Variants in CCL25 observed in about 807,000 individuals in gnomAD.
CCL25 encodes C-C motif chemokine ligand 25, also known as C-C motif chemokine 25.
Under a neutral mutation model 19.9 loss-of-function variants are expected in CCL25, and 14 were observed. The ratio of observed to expected loss-of-function variants is 0.70; its 90% CI spans 0.47 to 1.10. The LOEUF (loss-of-function observed/expected upper bound fraction) is 1.10, where lower values mean the gene tolerates loss of function less well. CCL25 is among the 50% of genes least tolerant of loss of function. The pLI is 0.00. For synonymous variants in CCL25, 68 were observed against 73.2 expected (o/e 0.93, Z 0.36); for missense variants, 151 against 181.2 (o/e 0.83, Z 0.96).
chr19:8,061,470 A>T lies in CCL25; in HGVS notation c.446-748A>T, dbSNP rs182909846. On this transcript the variant is annotated intron_variant, in intron 5 of 5. Transcript: ENST00000315626. ...AACCAGGGAATTTTTTAGAAGCTTCATCACATAGGAGTGAAGGATGATTAA... is the reference window on the plus strand; with the variant it reads ...AACCAGGGAATTTTTTAGAAGCTTCTTCACATAGGAGTGAAGGATGATTAA... Among the ~76,000 whole-genome samples, 202 of 152,278 alleles carry T rather than the reference A, an allele frequency of 1.3e-3. 2 individuals carry two copies. The highest frequency in any genetic ancestry group is 2.2e-3 in the Non-Finnish European group (151 of 68,022).
chr19:8,059,208 TA>T (rs1033464643), intron 5 of CCL25, among the ~76,000 whole-genome samples: 36 of 133,726 alleles, frequency 2.7e-4, no homozygotes, highest in Admixed American at 2.1e-3. Flanking sequence ...ATATAATTAA[TA>T]TTTTTTTATG....
chr19:8,053,984 G>A (rs867516653), intron 2 of CCL25, among the ~76,000 whole-genome samples: 3 of 152,184 alleles, frequency 2.0e-5, no homozygotes, highest in African/African-American at 7.2e-5. Flanking sequence ...GGCGGCAATA[G>A]TAACTGTTCC....
chr19:8,055,092 C>A (rs1324483726), intron 2 of CCL25, among the ~76,000 whole-genome samples: 1 of 150,968 alleles, frequency 6.6e-6, no homozygotes, highest in African/African-American at 2.4e-5. Context: ...AGATCAAGAC[C>A]ATCCTGGCCA....
chr19:8,058,344 AAT>A (rs34200206), intron 5 of CCL25, among the ~76,000 whole-genome samples: 24,632 of 84,546 alleles, frequency 0.29, 6,433 homozygotes, highest in Middle Eastern at 0.49. Context: ...AAATATATAT[AAT>A]ATATATAAGT....
At chr19:8,061,336 G>A (rs540748889) in intron 5 of CCL25, among the ~76,000 whole-genome samples, 3 of 151,704 alleles carry the variant, frequency 2.0e-5, no homozygotes, top group Non-Finnish European at 4.4e-5. Context: ...TAGTAGAGAC[G>A]GCGTTTCACT....
rs1162013774 is a variant in CCL25, at chr19:8,056,174, G to A, written c.96G>A (p.Leu32=). 3 of 1,551,848 alleles carry A rather than the reference G, an allele frequency of 1.9e-6. No homozygotes were observed. Among genetic ancestry groups the A allele is most frequent in the African/African-American group, 2.7e-5 (2 of 72,870 alleles). ...CAGGTGTCTTTGAGGACTGCTGCCT[G>A]GCCTACCACTACCCCATTGGGTGGG... ...HTQGVFEDCC[L]AYHYPIGWAV... The change falls in exon 3 of 6, where the codon CTG becomes CTA. Residue 32 remains leucine, a synonymous_variant. Transcript: ENST00000315626.
In CCL25 at chr19:8,059,914, C is replaced by T. The variant is rs551079699; in HGVS notation, c.445+1994C>T. Among the ~76,000 whole-genome samples, 15 of 151,742 alleles carry T rather than the reference C, an allele frequency of 9.9e-5. No individual in the cohort carries two copies. The South Asian group carries it at 2.7e-3, about 27-fold the overall frequency. On this transcript the variant is annotated intron_variant, in intron 5 of 5. Transcript: ENST00000315626. ...ACCATCCAGGCTAACATGGTGAAAC[C>T]CCAACTCTACTAAAAATACAAAAAA... is the stretch of plus-strand genomic sequence containing the variant.
chr19:8,053,176 C>G, intron 2 of CCL25, 54 bp downstream of exon 2: 1 of 1,178,052 alleles, frequency 8.5e-7, no homozygotes, highest in South Asian at 1.5e-5. Context: ...ATGCCCCCAC[C>G]CCACCCCTTT....
At chr19:8,056,600 C>G (rs1008546347) in intron 4 of CCL25, 101 bp downstream of exon 4, 14 of 1,348,030 alleles carry the variant, frequency 1.0e-5, no homozygotes, top group Non-Finnish European at 1.3e-5. Flanking sequence ...GACCAGAATA[C>G]TGACACCTGC....
At chr19:8,053,192 C>A in intron 2 of CCL25, 70 bp downstream of exon 2, 1 of 978,698 alleles carries the variant, frequency 1.0e-6, no homozygotes, top group Non-Finnish European at 1.5e-6. Context: ...CCTTTTGTCT[C>A]TTATCTCCTC....
upstream of CCL25, among the ~76,000 whole-genome samples, chr19:8,052,406 A>T (rs2081238405): frequency 6.6e-6 from 1 of 152,002 alleles, no homozygotes; most frequent in Non-Finnish European, 1.5e-5. Flanking sequence ...TTGGGGACCC[A>T]CCAGGGAACA....
chr19:8,053,105 C>A lies in CCL25; in HGVS notation c.56C>A (p.Pro19His). 6.4e-7 allele frequency: 1 copy of A among 1,556,632 alleles called. No homozygotes were observed. The highest frequency in any genetic ancestry group is 8.7e-7 in the Non-Finnish European group (1 of 1,149,824). The change falls in exon 2 of 6, where the codon CCC becomes CAC. Residue 19 changes from proline to histidine, a missense_variant. Pro to His is a moderately conservative substitution (Grantham distance 77, BLOSUM62 -2). Coordinates refer to ENST00000315626, the MANE Select transcript of CCL25 (RefSeq NM_005624.4). ...GCCGGCTTCCTGGGAGCCTGGGCCC[C>A]CGCTGTCCACACCCAAGGTACTGTG... ...LVAGFLGAWAPAVHTQGVFED... is the reference protein window; with the variant it reads ...LVAGFLGAWAHAVHTQGVFED...
At chr19:8,062,124 G>A in intron 5 of CCL25, 94 bp from the exon 6 acceptor site, 3 of 1,203,906 alleles carry the variant, frequency 2.5e-6, no homozygotes, top group Non-Finnish European at 3.7e-6. Context: ...AGGGTTTTAG[G>A]AGCTGTAGGG....
rs145775549 is a variant in CCL25 at position 8,056,955 on chromosome 19, A to G, written c.325+456A>G. On this transcript the variant is annotated intron_variant, in intron 4 of 5. Transcript: ENST00000315626. ...CCTCCCAGGCTCAAGCAATCCTCCT[A>G]CCTCAGCCTCCTGAGTAGCTGGGAC... Among the ~76,000 whole-genome samples, 810 of 152,018 alleles carry G rather than the reference A, an allele frequency of 5.3e-3. 12 individuals are homozygous for G. Among genetic ancestry groups the G allele is most frequent in the African/African-American group, 0.018 (765 of 41,460 alleles).
At chr19:8,059,817 C>T (rs1358248315) in intron 5 of CCL25, among the ~76,000 whole-genome samples, 4 of 151,546 alleles carry the variant, frequency 2.6e-5, no homozygotes, top group Non-Finnish European at 4.4e-5. Flanking sequence ...TGGCCGGGCG[C>T]GGTGGCTCAT....
In CCL25 at chr19:8,057,734, C is replaced by A. The variant is rs577688772; in HGVS notation, c.326-67C>A. 2.6e-6 allele frequency: 4 copies of A among 1,526,316 alleles called. No individual in the cohort carries two copies. The Admixed American group carries it at 8.1e-5, about 31-fold the overall frequency. 94.5% of individuals were successfully genotyped at this position (1,526,316 alleles called of 1,614,324 possible). A position where few individuals can be genotyped will look rare whatever the true frequency, so the allele number is the denominator to read the frequency against. On this transcript the variant is annotated intron_variant, in intron 4 of 5. Transcript: ENST00000315626. Reference sequence around the variant, plus strand: ...AATAACCAGTCAACAGCTTCAGGCTCAGCTGGATCCAGGAGCTCAAAGGAT... The same window carrying A: ...AATAACCAGTCAACAGCTTCAGGCTAAGCTGGATCCAGGAGCTCAAAGGAT...
intron 2 of CCL25, among the ~76,000 whole-genome samples, chr19:8,055,321 G>A (rs1198472690): frequency 1.4e-5 from 2 of 145,082 alleles, no homozygotes; most frequent in Non-Finnish European, 3.0e-5. Context: ...CACCATGCCT[G>A]GCTAATTTTT....
intron 5 of CCL25, among the ~76,000 whole-genome samples, chr19:8,058,571 A>T (rs1376853425): frequency 8.5e-6 from 1 of 117,344 alleles, no homozygotes; most frequent in African/African-American, 3.0e-5. Flanking sequence ...AAAATAATAT[A>T]TAATATATAA....
At chr19:8,058,784 G>A (rs1209458128) in intron 5 of CCL25, among the ~76,000 whole-genome samples, 40 of 138,262 alleles carry the variant, frequency 2.9e-4, no homozygotes, top group African/African-American at 9.8e-4. Flanking sequence ...TCAGCCTCCC[G>A]AGTAGCTGGG....
Sources: allele counts gnomAD v4.1 joint callset (sites outside exome capture counted in the v4.1 genomes callset), GRCh38; gene constraint gnomAD v4.1.1; transcripts MANE v1.5; gene names NCBI Gene and HGNC (gene_info 2026-07-23, HGNC 2026-07-21).